The following AHCYL2 variants were observed in gnomAD, a reference collection of about 807,000 sequenced individuals.
The protein encoded by AHCYL2 is adenosylhomocysteinase like 2.
Under a neutral mutation model 81.4 loss-of-function variants are expected in AHCYL2, and 28 were observed. The ratio of observed to expected loss-of-function variants is 0.34; its 90% CI spans 0.25 to 0.47. The LOEUF (loss-of-function observed/expected upper bound fraction) is 0.47. AHCYL2 is among the 20% of genes least tolerant of loss of function. The pLI, the probability that AHCYL2 is intolerant of heterozygous loss-of-function variation, is 1.00. For missense variants in AHCYL2, 551 were observed against 785.1 expected, an observed-to-expected ratio of 0.70 and a Z score of 3.56; for synonymous variants, 272 against 290.2, an observed-to-expected ratio of 0.94 and a Z score of 0.64.
At chr7:129,341,619 C>G (rs1372532819) in intron 1 of AHCYL2, among the ~76,000 whole-genome samples, 1 of 152,162 alleles carries the variant, frequency 6.6e-6, no homozygotes, top group African/African-American at 2.4e-5. Context: ...ATGAAGAGAT[C>G]TGGCGGCGGC....
rs3042852 is a variant in AHCYL2, at chr7:129,271,359, C to CAA, written c.363+45939_363+45940dup. ...CTGGGCAACAGAACGAGACTGTCTC[C>CAA]AAAAAAAAAAAAAAAAAAAAGAGTT... On this transcript the variant is annotated intron_variant, in intron 1 of 16. Coordinates refer to ENST00000325006, the MANE Select transcript of AHCYL2 (RefSeq NM_015328.4). Among the ~76,000 whole-genome samples, 623 of 86,774 alleles carry CAA rather than the reference C, an allele frequency of 7.2e-3. 7 individuals are homozygous for CAA. The highest frequency in any genetic ancestry group is 0.025 in the African/African-American group (585 of 23,688). 56.9% of individuals were successfully genotyped at this position (86,774 alleles called of 152,430 possible).
At chr7:129,399,923 A>G (rs1260916009) in intron 5 of AHCYL2, among the ~76,000 whole-genome samples, 8 of 152,050 alleles carry the variant, frequency 5.3e-5, no homozygotes, top group Non-Finnish European at 1.0e-4. Context: ...AACAGGTTTC[A>G]TCATGTTGGC....
intron 1 of AHCYL2, among the ~76,000 whole-genome samples, chr7:129,332,384 G>A (rs1329146411): frequency 1.3e-5 from 2 of 152,198 alleles, no homozygotes; most frequent in Non-Finnish European, 2.9e-5. Context: ...CACTCCTGAA[G>A]TTGCATGTAA....
At chr7:129,259,296 G>A (rs534071473) in intron 1 of AHCYL2, among the ~76,000 whole-genome samples, 1 of 152,196 alleles carries the variant, frequency 6.6e-6, no homozygotes, top group Admixed American at 6.5e-5. Context: ...AAGCAGCACA[G>A]GAGCGACAAA....
intron 1 of AHCYL2, among the ~76,000 whole-genome samples, chr7:129,340,938 T>C (rs1793157175): frequency 6.6e-6 from 1 of 152,234 alleles, no homozygotes; most frequent in African/African-American, 2.4e-5. Flanking sequence ...TGTATATATA[T>C]CTGTGTCCAT....
At chr7:129,358,249 G>A (rs557479911) in intron 1 of AHCYL2, among the ~76,000 whole-genome samples, 3 of 151,800 alleles carry the variant, frequency 2.0e-5, no homozygotes, top group East Asian at 3.9e-4. Flanking sequence ...AAAATTAGCC[G>A]GGCGTGGTGG....
chr7:129,247,286 A>G (rs1175616024), intron 1 of AHCYL2, among the ~76,000 whole-genome samples: 3 of 152,242 alleles, frequency 2.0e-5, no homozygotes, highest in East Asian at 1.9e-4. Context: ...GTATAGTGCT[A>G]TGTCATTATG....
At chr7:129,388,791 T>G (rs962845655) in intron 2 of AHCYL2, 2 of 351,736 alleles carry the variant, frequency 5.7e-6, no homozygotes, top group Non-Finnish European at 1.0e-5. Context: ...GTGTAACCTT[T>G]TCTTTTTGCG....
chr7:129,289,666 T>G (rs1033374138), intron 1 of AHCYL2, among the ~76,000 whole-genome samples: 15 of 152,262 alleles, frequency 9.9e-5, no homozygotes, highest in African/African-American at 3.6e-4. Context: ...AATTAGGCAT[T>G]GGTTTTGGTG....
chr7:129,386,202 C>G (rs1795194849), intron 2 of AHCYL2, among the ~76,000 whole-genome samples: 1 of 152,094 alleles, frequency 6.6e-6, no homozygotes, highest in African/African-American at 2.4e-5. Context: ...GTGGCTCAAG[C>G]CTGTAATCCC....
intron 1 of AHCYL2, chr7:129,377,423 G>A: frequency 2.6e-6 from 1 of 383,316 alleles, no homozygotes. Context: ...GGCTTTATTT[G>A]TTGTTATAGC....
chr7:129,340,431 G>A (rs1053747654), intron 1 of AHCYL2, among the ~76,000 whole-genome samples: 1 of 151,522 alleles, frequency 6.6e-6, no homozygotes, highest in African/African-American at 2.4e-5. Flanking sequence ...AGCCGGGCGT[G>A]GTGGCAGTTG....
intron 1 of AHCYL2, among the ~76,000 whole-genome samples, chr7:129,364,064 C>T (rs943393960): frequency 3.3e-5 from 5 of 151,682 alleles, no homozygotes; most frequent in Admixed American, 6.6e-5. Flanking sequence ...ACAGTGAGAC[C>T]GCTATCTCTA....
At chr7:129,391,264 T>C (rs1795457772) in intron 4 of AHCYL2, among the ~76,000 whole-genome samples, 1 of 152,228 alleles carries the variant, frequency 6.6e-6, no homozygotes. Context: ...GTATGAGTTT[T>C]CTCTTCATTT....
chr7:129,268,901 A>G (rs1366658052), intron 1 of AHCYL2, among the ~76,000 whole-genome samples: 2 of 152,110 alleles, frequency 1.3e-5, no homozygotes. Flanking sequence ...ATATTTACAG[A>G]GTGTATAACC....
intron 1 of AHCYL2, among the ~76,000 whole-genome samples, chr7:129,267,909 T>C (rs933185104): frequency 3.3e-5 from 5 of 152,148 alleles, no homozygotes; most frequent in African/African-American, 1.2e-4. Context: ...CTCCTATTTA[T>C]TTAAAAGTAC....
At chr7:129,283,578 C>G (rs937578764) in intron 1 of AHCYL2, among the ~76,000 whole-genome samples, 5 of 152,240 alleles carry the variant, frequency 3.3e-5, no homozygotes, top group Admixed American at 3.3e-4. Context: ...ATTTTCTAGA[C>G]TTTAAAATTA....
intron 1 of AHCYL2, among the ~76,000 whole-genome samples, chr7:129,307,781 G>A (rs1048790037): frequency 2.0e-5 from 3 of 151,420 alleles, no homozygotes; most frequent in Admixed American, 6.6e-5. Context: ...GCTGGTTGCC[G>A]CTGCTGATTA....
In AHCYL2 at chr7:129,427,477, G is replaced by A. The variant is rs925704840; in HGVS notation, c.*432G>A. The A allele has an allele frequency of 3.2e-5, 5 of 157,586 alleles. No homozygotes were observed. The highest frequency in any genetic ancestry group is 4.2e-5 in the Non-Finnish European group (3 of 71,590). 9.8% of individuals were successfully genotyped at this position (157,586 alleles called of 1,614,324 possible). A position where few individuals can be genotyped will look rare whatever the true frequency, so the allele number is the denominator to read the frequency against. ...GCTTGGCCCTTCCCCGGGTGAGGCC[G>A]TTTGGAATTAACATGGCCAGTGTTT... On this transcript the variant is annotated 3_prime_UTR_variant, in exon 17 of 17. Transcript: ENST00000325006. The surrounding 1 kb of genome is among the most constrained non-coding windows in gnomAD (Gnocchi z 5.5).
Sources: allele counts gnomAD v4.1 joint callset (sites outside exome capture counted in the v4.1 genomes callset), GRCh38; gene constraint gnomAD v4.1.1; non-coding constraint Gnocchi (gnomAD v3.1); transcripts MANE v1.5; gene names NCBI Gene and HGNC (gene_info 2026-07-23, HGNC 2026-07-21).